The following CGNL1 variants were observed in gnomAD, a reference collection of about 807,000 sequenced individuals.
CGNL1 encodes cingulin like 1.
CGNL1 carries 132 observed loss-of-function variants against 141.2 expected under a neutral mutation model. The ratio of observed to expected loss-of-function variants is 0.93; its 90% CI spans 0.81 to 1.08. The LOEUF is 1.08. Among genes scored for constraint, CGNL1 ranks in the 50% least tolerant of loss-of-function variants. CGNL1 has a pLI of 0.00. For synonymous variants in CGNL1, 690 were observed against 622.1 expected (o/e 1.11, Z -1.63); for missense variants, 1,870 against 1,588.6 (o/e 1.18, Z -3.01).
At chr15:57,454,479 C>T (rs1225756482) in intron 7 of CGNL1, among the ~76,000 whole-genome samples, 1 of 152,186 alleles carries the variant, frequency 6.6e-6, no homozygotes, top group Non-Finnish European at 1.5e-5. Context: ...TCTGTCACTC[C>T]TTTCCTCCTC....
chr15:57,462,643 T>A, intron 8 of CGNL1, among the ~76,000 whole-genome samples: 1 of 152,180 alleles, frequency 6.6e-6, no homozygotes, highest in East Asian at 1.9e-4. Flanking sequence ...GAATTCTTGA[T>A]ATTGTTTATT....
chr15:57,518,628 C>A (rs923589873), intron 10 of CGNL1, 131 bp downstream of exon 10: 5 of 657,232 alleles, frequency 7.6e-6, no homozygotes, highest in Middle Eastern at 3.3e-4. Context: ...AATAACCACT[C>A]AGTTATTTGA....
At chr15:57,506,107 C>G (rs2064098207) in intron 8 of CGNL1, among the ~76,000 whole-genome samples, 1 of 152,186 alleles carries the variant, frequency 6.6e-6, no homozygotes, top group Non-Finnish European at 1.5e-5. Flanking sequence ...TGACAGCAAG[C>G]TGATTTGTAA....
chr15:57,393,127 C>G (rs1171785274), intron 1 of CGNL1, among the ~76,000 whole-genome samples: 1 of 152,152 alleles, frequency 6.6e-6, no homozygotes, highest in African/African-American at 2.4e-5. Flanking sequence ...GTGCCATAGT[C>G]TTAATTCCCT....
At position 57,546,821 on chromosome 15, in the gene CGNL1, TC is replaced by T. The variant is rs369088630; in HGVS notation, c.3774-533del. 2.6e-3 allele frequency among the ~76,000 whole-genome samples: 393 copies of T among 152,222 alleles called. 1 individual carries two copies. Among genetic ancestry groups the T allele is most frequent in the African/African-American group, 9.3e-3 (386 of 41,532 alleles). ...ATGGTAATCCATAGAGCTGAGCCTT[TC>T]TTGGAGGCTGGCTGTGACGTGGGGC... is the stretch of plus-strand genomic sequence containing the variant. On this transcript the variant is annotated intron_variant, in intron 18 of 18. Coordinates refer to ENST00000281282, the MANE Select transcript of CGNL1 (RefSeq NM_032866.5).
In CGNL1 at chr15:57,549,082, G is replaced by A. The variant is rs2033003499; in HGVS notation, c.*1592G>A. On this transcript the variant is annotated 3_prime_UTR_variant, in exon 19 of 19. Transcript: ENST00000281282. The stretch of plus-strand genomic sequence containing the variant: ...CTGGCAGGGAGTGGTTGAGGTCTGG[G>A]GGCCAGGCCACATGGCTGGAGAGGA... 6.6e-6 allele frequency: 1 copy of A among 152,372 alleles called. No homozygotes were observed. The highest frequency in any genetic ancestry group is 1.5e-5 in the Non-Finnish European group (1 of 68,168). The allele number at this position is 152,372 out of a possible 1,614,324, so 9.4% of individuals were successfully genotyped here.
intron 8 of CGNL1, among the ~76,000 whole-genome samples, chr15:57,508,738 A>G (rs181110230): frequency 3.5e-4 from 54 of 152,356 alleles, no homozygotes; most frequent in African/African-American, 1.3e-3. Context: ...GAAGGGTCCA[A>G]TCAGCCTAGA....
Position 57,481,991 on chromosome 15 carries a change from C to T in CGNL1, c.2403+20099C>T, listed in dbSNP as rs55860101. Among the ~76,000 whole-genome samples the T allele has an allele frequency of 8.8e-3, 1,345 of 152,186 alleles. 17 individuals carry two copies. Among genetic ancestry groups the T allele is most frequent in the South Asian group, 0.017 (84 of 4,830 alleles). ...TATGTGATATTATATTGTGGTTTTA[C>T]GCAGTTTTCTAATGGCCAATCATGT... On this transcript the variant is annotated intron_variant, in intron 8 of 18. Coordinates refer to ENST00000281282, the MANE Select transcript of CGNL1 (RefSeq NM_032866.5).
At chr15:57,421,960 A>G (rs1012956683) in intron 1 of CGNL1, among the ~76,000 whole-genome samples, 1 of 151,948 alleles carries the variant, frequency 6.6e-6, no homozygotes, top group Non-Finnish European at 1.5e-5. Context: ...TTCGTTATTC[A>G]GTGTTCTTGG....
intron 7 of CGNL1, among the ~76,000 whole-genome samples, chr15:57,455,265 G>A (rs1490551180): frequency 2.6e-5 from 4 of 152,034 alleles, no homozygotes; most frequent in African/African-American, 7.2e-5. Context: ...CTAAGAATAA[G>A]TTTCCAGAAA....
intron 8 of CGNL1, among the ~76,000 whole-genome samples, chr15:57,470,277 C>T (rs1162163747): frequency 4.9e-5 from 2 of 41,236 alleles, no homozygotes; most frequent in Non-Finnish European, 9.1e-5. Flanking sequence ...TTTTTGCCTG[C>T]CCCAGAAATG....
At chr15:57,474,933 T>TTAGTGAAGTA (rs2063632572) in intron 8 of CGNL1, among the ~76,000 whole-genome samples, 1 of 152,172 alleles carries the variant, frequency 6.6e-6, no homozygotes, top group Admixed American at 6.5e-5. Flanking sequence ...AGTCCTAAGT[T>TTAGTGAAGTA]TAGTGAAGTA....
intron 1 of CGNL1, among the ~76,000 whole-genome samples, chr15:57,382,647 A>G (rs1250581767): frequency 6.6e-6 from 1 of 152,094 alleles, no homozygotes; most frequent in Non-Finnish European, 1.5e-5. Flanking sequence ...CTTGTTTTTG[A>G]CCTTTTCCCT....
chr15:57,488,233 A>G (rs1446790794), intron 8 of CGNL1, among the ~76,000 whole-genome samples: 1 of 152,082 alleles, frequency 6.6e-6, no homozygotes, highest in African/African-American at 2.4e-5. Flanking sequence ...TTCTCTGCCT[A>G]TTTTAAAATT....
intron 8 of CGNL1, among the ~76,000 whole-genome samples, chr15:57,482,769 C>T (rs1318179069): frequency 6.6e-6 from 1 of 151,408 alleles, no homozygotes; most frequent in African/African-American, 2.4e-5. Context: ...AGTTACTTTA[C>T]CTTTTCTTTT....
At chr15:57,414,661 A>AAAC (rs10527352) in intron 1 of CGNL1, among the ~76,000 whole-genome samples, 57 of 151,296 alleles carry the variant, frequency 3.8e-4, no homozygotes, top group African/African-American at 9.7e-4. Context: ...TTTAAAACCA[A>AAAC]AACAACAACA....
rs1044380528 is a variant in CGNL1, at chr15:57,543,733, C to A, written c.3329C>A (p.Ala1110Asp). The A allele has an allele frequency of 6.2e-7, 1 of 1,614,016 alleles. No homozygotes were observed. The highest frequency in any genetic ancestry group is 8.5e-7 in the Non-Finnish European group (1 of 1,179,944). The change falls in exon 15 of 19, where the codon GCT becomes GAT. Residue 1110 changes from alanine to aspartate, a missense_variant. Transcript: ENST00000281282. ...QLRNELLQER[A>D]ARQDLECDKI... ...AGGAATGAGCTACTTCAGGAGAGAG[C>A]TGCGAGACAAGACTTGGAGTGCGAC...
intron 8 of CGNL1, among the ~76,000 whole-genome samples, chr15:57,462,390 A>G (rs2063458975): frequency 6.6e-6 from 1 of 152,220 alleles, no homozygotes; most frequent in African/African-American, 2.4e-5. Flanking sequence ...AATTGGCTGA[A>G]TTGCCGAAAC....
intron 8 of CGNL1, 40 bp from the exon 9 acceptor site, chr15:57,516,740 A>T (rs762262266): frequency 3.1e-6 from 5 of 1,593,334 alleles, no homozygotes; most frequent in Non-Finnish European, 4.3e-6. Flanking sequence ...CAGCTCCTTG[A>T]CATCAGTCTC....
Sources: gnomAD v4.1 joint callset for allele counts (sites outside exome capture counted in the v4.1 genomes callset) on GRCh38, gnomAD v4.1.1 for gene constraint, MANE v1.5 for transcripts, NCBI Gene and HGNC (gene_info 2026-07-23, HGNC 2026-07-21) for gene names.